The following DOCK3 variants were observed in gnomAD, a reference collection of about 807,000 sequenced individuals.
The protein encoded by DOCK3 is dedicator of cytokinesis 3, also known as dedicator of cytokinesis protein 3.
Under a neutral mutation model 265.6 loss-of-function variants are expected in DOCK3, and 60 were observed. That is an observed-to-expected ratio of 0.23 (90% CI 0.18 to 0.28). The LOEUF is 0.28. DOCK3 is among the 10% of genes least tolerant of loss of function. DOCK3 has a pLI of 1.00. For synonymous variants in DOCK3, 881 were observed against 938.0 expected (o/e 0.94, Z 1.11); for missense variants, 1,981 against 2,594.3 (o/e 0.76, Z 5.14).
At chr3:50,873,571 G>T (rs2047539756) in intron 3 of DOCK3, among the ~76,000 whole-genome samples, 1 of 152,178 alleles carries the variant, frequency 6.6e-6, no homozygotes, top group Admixed American at 6.5e-5. Flanking sequence ...TAGATTGTGT[G>T]TTCCCTAATC....
intron 1 of DOCK3, among the ~76,000 whole-genome samples, chr3:50,734,601 A>G (rs2038446040): frequency 1.3e-4 from 5 of 39,472 alleles, no homozygotes; most frequent in East Asian, 1.8e-3. Context: ...TTTTACAGTG[A>G]GTTTTTTTTT....
At chr3:50,978,877 C>G (rs1444020129) in intron 5 of DOCK3, among the ~76,000 whole-genome samples, 2 of 152,176 alleles carry the variant, frequency 1.3e-5, no homozygotes, top group Non-Finnish European at 2.9e-5. Context: ...GTCGGAAAAG[C>G]GCAGTATTCG....
chr3:50,824,262 G>C (rs1464945618), intron 2 of DOCK3, among the ~76,000 whole-genome samples: 1 of 152,142 alleles, frequency 6.6e-6, no homozygotes, highest in African/African-American at 2.4e-5. Flanking sequence ...TTTAACTATA[G>C]TTCTCTGGTC....
At chr3:50,860,957 A>G (rs1463745438) in intron 3 of DOCK3, among the ~76,000 whole-genome samples, 1 of 152,166 alleles carries the variant, frequency 6.6e-6, no homozygotes, top group Non-Finnish European at 1.5e-5. Flanking sequence ...TGGAAGCCCA[A>G]GTATCTAGGG....
At chr3:51,091,405 C>T (rs1270659370) in intron 9 of DOCK3, among the ~76,000 whole-genome samples, 1 of 152,066 alleles carries the variant, frequency 6.6e-6, no homozygotes, top group African/African-American at 2.4e-5. Context: ...TATTGTGGCC[C>T]AGGAGCAATG....
chr3:50,883,683 T>C (rs2048175192), intron 3 of DOCK3, among the ~76,000 whole-genome samples: 1 of 152,170 alleles, frequency 6.6e-6, no homozygotes, highest in African/African-American at 2.4e-5. Flanking sequence ...CTGTCTTCTA[T>C]ATTTTCATTG....
rs1261732792 is a variant in DOCK3, at chr3:51,016,377, CAT to C, written c.316-48062_316-48061del. Among the ~76,000 whole-genome samples, 7 of 774 alleles carry C rather than the reference CAT, an allele frequency of 9.0e-3. 1 individual carries two copies. Among genetic ancestry groups the C allele is most frequent in the East Asian group, 0.5 (1 of 2 alleles). 0.5% of individuals were successfully genotyped at this position (774 alleles called of 152,430 possible). A position where few individuals can be genotyped will look rare whatever the true frequency, so the allele number is the denominator to read the frequency against. ...TACATATATATATCATATATTTCTA[CAT>C]ATATATATCATATATTTCTACATAT... On this transcript the variant is annotated intron_variant, in intron 5 of 52. Coordinates refer to ENST00000266037, the MANE Select transcript of DOCK3 (RefSeq NM_004947.5).
chr3:51,252,971 C>T (rs2079339674), intron 22 of DOCK3, among the ~76,000 whole-genome samples: 1 of 152,170 alleles, frequency 6.6e-6, no homozygotes. Context: ...CTGGGTTTTG[C>T]CCATTCAGTA....
At chr3:50,913,793 C>G (rs2049981392) in intron 4 of DOCK3, among the ~76,000 whole-genome samples, 1 of 152,060 alleles carries the variant, frequency 6.6e-6, no homozygotes, top group African/African-American at 2.4e-5. Flanking sequence ...CAGGAACCCT[C>G]TCTGTACTAC....
intron 10 of DOCK3, among the ~76,000 whole-genome samples, chr3:51,151,796 G>A (rs539514911): frequency 1.6e-4 from 25 of 152,200 alleles, no homozygotes; most frequent in Non-Finnish European, 2.5e-4. Context: ...TTGAAAATTC[G>A]TTTCTTTAAG....
intron 5 of DOCK3, among the ~76,000 whole-genome samples, chr3:50,942,767 T>A (rs1474634978): frequency 6.6e-6 from 1 of 152,006 alleles, no homozygotes; most frequent in East Asian, 1.9e-4. Flanking sequence ...AGCTTTTAGG[T>A]ATGTTTCAAA....
At chr3:50,872,462 C>T (rs1234594523) in intron 3 of DOCK3, among the ~76,000 whole-genome samples, 1 of 152,232 alleles carries the variant, frequency 6.6e-6, no homozygotes, top group African/African-American at 2.4e-5. Context: ...GTGGTCACCA[C>T]CACTAGGACT....
At chr3:51,260,395 G>T in intron 23 of DOCK3, 69 bp downstream of exon 23, 1 of 1,483,358 alleles carries the variant, frequency 6.7e-7, no homozygotes, top group Non-Finnish European at 9.0e-7. Context: ...TTTGTCCTCT[G>T]GTTTTCAGAG....
At chr3:50,903,559 C>A (rs963755635) in intron 4 of DOCK3, among the ~76,000 whole-genome samples, 4 of 152,118 alleles carry the variant, frequency 2.6e-5, no homozygotes, top group African/African-American at 9.7e-5. Flanking sequence ...CTGCTGGATT[C>A]AATTTGCCAG....
At chr3:51,341,089 T>C in intron 37 of DOCK3, 148 bp from the exon 38 acceptor site, 1 of 955,936 alleles carries the variant, frequency 1.0e-6, no homozygotes. Context: ...GCAGCCCTAC[T>C]GTTTCATCTT....
chr3:51,246,030 C>T lies in DOCK3; in HGVS notation c.2103-696C>T, dbSNP rs886474660. 3.3e-5 allele frequency among the ~76,000 whole-genome samples: 5 copies of T among 152,094 alleles called. No homozygotes were observed. The South Asian group carries it at 1.0e-3, about 32-fold the overall frequency. On this transcript the variant is annotated intron_variant, in intron 21 of 52. Transcript: ENST00000266037. ...CCATATAAATATGCAGACCTTCTGA[C>T]CCAGTAATCTCATTCCATTCAGATG...
intron 1 of DOCK3, among the ~76,000 whole-genome samples, chr3:50,752,958 T>C (rs1576335753): frequency 6.6e-6 from 1 of 152,206 alleles, no homozygotes; most frequent in Non-Finnish European, 1.5e-5. Flanking sequence ...CTATTTTTGC[T>C]TTAGACTGGG....
At chr3:51,221,629 C>T (rs998512526) in intron 14 of DOCK3, among the ~76,000 whole-genome samples, 3 of 152,124 alleles carry the variant, frequency 2.0e-5, no homozygotes, top group Non-Finnish European at 4.4e-5. Context: ...TACTTTATTC[C>T]GAGACCCTCT....
chr3:51,249,617 G>A (rs1226152613), intron 22 of DOCK3, among the ~76,000 whole-genome samples: 1,187 of 102,178 alleles, frequency 0.012, 57 homozygotes, highest in African/African-American at 0.045. Flanking sequence ...TCAGCCCCCC[G>A]CCCGGCCAGC....
Sources: gnomAD v4.1 joint callset for allele counts (sites outside exome capture counted in the v4.1 genomes callset) on GRCh38, gnomAD v4.1.1 for gene constraint, MANE v1.5 for transcripts, NCBI Gene and HGNC (gene_info 2026-07-23, HGNC 2026-07-21) for gene names.